The following NUP155 variants were observed in gnomAD, a reference collection of about 807,000 sequenced individuals.
The protein encoded by NUP155 is nucleoporin 155, also known as nuclear pore complex protein Nup155.
A neutral mutation model predicts 180.4 loss-of-function variants in NUP155; 71 were observed. That is an observed-to-expected ratio of 0.39 (90% CI 0.33 to 0.48). The LOEUF (loss-of-function observed/expected upper bound fraction) is 0.48. NUP155 is among the 20% of genes least tolerant of loss of function. The pLI is 0.91. For synonymous variants in NUP155, 582 were observed against 559.5 expected, an observed-to-expected ratio of 1.04 and a Z score of -0.57; for missense variants, 1,553 against 1,648.9, an observed-to-expected ratio of 0.94 and a Z score of 1.01.
chr5:37,298,608 T>A (rs1215449412), intron 32 of NUP155, among the ~76,000 whole-genome samples: 1 of 152,144 alleles, frequency 6.6e-6, no homozygotes, highest in African/African-American at 2.4e-5. Flanking sequence ...ACCAACAATA[T>A]AATCATAGTT....
intron 19 of NUP155, among the ~76,000 whole-genome samples, chr5:37,324,326 T>G (rs1487049860): frequency 2.0e-5 from 3 of 152,166 alleles, no homozygotes; most frequent in African/African-American, 7.2e-5. Flanking sequence ...GAAAACATCT[T>G]GATTACTTTT....
At chr5:37,313,453 A>G (rs1487516567) in intron 22 of NUP155, among the ~76,000 whole-genome samples, 1 of 147,330 alleles carries the variant, frequency 6.8e-6, no homozygotes, top group African/African-American at 2.5e-5. Flanking sequence ...AAAACATAAA[A>G]TGAAGTAGGA....
At chr5:37,296,004 G>C (rs1486184933) in intron 32 of NUP155, among the ~76,000 whole-genome samples, 3 of 138,874 alleles carry the variant, frequency 2.2e-5, no homozygotes, top group Non-Finnish European at 4.7e-5. Flanking sequence ...GAGGGAGGAG[G>C]GGGGGGTCAG....
intron 3 of NUP155, among the ~76,000 whole-genome samples, chr5:37,359,935 C>G (rs1747088256): frequency 6.6e-6 from 1 of 151,918 alleles, no homozygotes; most frequent in Non-Finnish European, 1.5e-5. Flanking sequence ...CTGGCCAACA[C>G]AATGATACCT....
At chr5:37,365,713 GAAAAAAA>G (rs869240751) in intron 1 of NUP155, among the ~76,000 whole-genome samples, 21 of 22,668 alleles carry the variant, frequency 9.3e-4, no homozygotes, top group Admixed American at 2.9e-3. Context: ...GTCTCGGGGA[GAAAAAAA>G]AAAAAAAAAA....
At chr5:37,318,674 A>C (rs1744058553) in intron 20 of NUP155, among the ~76,000 whole-genome samples, 1 of 152,236 alleles carries the variant, frequency 6.6e-6, no homozygotes, top group African/African-American at 2.4e-5. Flanking sequence ...GGTTCCAAAC[A>C]GTTCGGATAA....
At chr5:37,336,115 A>C (rs1581177284) in intron 12 of NUP155, among the ~76,000 whole-genome samples, 1 of 152,292 alleles carries the variant, frequency 6.6e-6, no homozygotes, top group East Asian at 1.9e-4. Context: ...TTTGTTAAAA[A>C]CAAAAGTCCA....
chr5:37,305,910 A>G (rs1743126118), intron 25 of NUP155, among the ~76,000 whole-genome samples: 1 of 151,706 alleles, frequency 6.6e-6, no homozygotes, highest in Admixed American at 6.6e-5. Flanking sequence ...ACAAAACAAA[A>G]CAAATAACAA....
intron 13 of NUP155, 42 bp downstream of exon 13, chr5:37,333,421 A>G: frequency 6.5e-7 from 1 of 1,538,386 alleles, no homozygotes. Flanking sequence ...AATATTATAC[A>G]TCGCTTATTT....
intron 7 of NUP155, 136 bp downstream of exon 7, chr5:37,350,024 C>T: frequency 1.4e-6 from 1 of 713,958 alleles, no homozygotes; most frequent in Non-Finnish European, 2.5e-6. Context: ...CTTTAAAAGA[C>T]CTTATGAATA....
intron 32 of NUP155, among the ~76,000 whole-genome samples, chr5:37,298,520 A>T (rs545327247): frequency 2.2e-4 from 34 of 152,356 alleles, no homozygotes; most frequent in African/African-American, 7.9e-4. Flanking sequence ...AAAAAAGAAC[A>T]GTTGAATCAA....
Position 37,305,474 on chromosome 5 carries a change from G to T in NUP155, c.2904-264C>A, listed in dbSNP as rs188591978. On this transcript the variant is annotated intron_variant, in intron 25 of 34. Coordinates refer to ENST00000231498, the MANE Select transcript of NUP155 (RefSeq NM_153485.3). ...AGGCAGGGGGACTGCCAGAGGTCAC[G>T]AATTTGAGACCAGCCTGGCCAACCT... Among the ~76,000 whole-genome samples the T allele has an allele frequency of 6.9e-3, 1,057 of 152,228 alleles. 10 individuals carry two copies. Among genetic ancestry groups the T allele is most frequent in the African/African-American group, 0.024 (993 of 41,536 alleles).
At chr5:37,300,753 C>A (rs781065631) in intron 30 of NUP155, among the ~76,000 whole-genome samples, 2 of 151,776 alleles carry the variant, frequency 1.3e-5, no homozygotes, top group Non-Finnish European at 2.9e-5. Flanking sequence ...GCCTCCTGGG[C>A]TAAATCAATC....
At chr5:37,347,527 T>G (rs1482314989) in intron 9 of NUP155, among the ~76,000 whole-genome samples, 1 of 149,268 alleles carries the variant, frequency 6.7e-6, no homozygotes, top group Non-Finnish European at 1.5e-5. Flanking sequence ...GAAAACCCCA[T>G]CTCTACTAAA....
intron 4 of NUP155, among the ~76,000 whole-genome samples, chr5:37,354,337 G>A (rs971301699): frequency 6.6e-6 from 1 of 152,042 alleles, no homozygotes; most frequent in African/African-American, 2.4e-5. Context: ...GTAGAGACAC[G>A]GTTTCACCAT....
At chr5:37,346,878 C>T (rs1746125679) in intron 9 of NUP155, among the ~76,000 whole-genome samples, 1 of 152,104 alleles carries the variant, frequency 6.6e-6, no homozygotes, top group African/African-American at 2.4e-5. Context: ...ATATTGTGTT[C>T]TGTACTTGTG....
chr5:37,335,517 T>C (rs758049512), intron 12 of NUP155, among the ~76,000 whole-genome samples: 26 of 152,148 alleles, frequency 1.7e-4, no homozygotes, highest in Admixed American at 3.9e-4. Context: ...CAGTTCGCCA[T>C]ATCTGCATTC....
In NUP155 at chr5:37,317,996, T is replaced by C; in HGVS notation, c.2297A>G (p.Lys766Arg). ...GAGAAGCAATAATTTACCATGAAAC[T>C]TCCTCTGCAGTTCCTGTTGCATTTG... ...PQQMQQELQRKFHEAQLSEKI... is the reference protein window; with the variant it reads ...PQQMQQELQRRFHEAQLSEKI... Residue 766 changes from lysine to arginine, a missense_variant, in exon 21 of 35, where the codon AAG becomes AGG. Transcript: ENST00000231498. 2 of 1,592,334 alleles carry C rather than the reference T, an allele frequency of 1.3e-6. No homozygotes were observed. The highest frequency in any genetic ancestry group is 1.7e-6 in the Non-Finnish European group (2 of 1,160,064).
chr5:37,302,250 T>G (rs1742904549), intron 29 of NUP155, among the ~76,000 whole-genome samples: 1 of 152,218 alleles, frequency 6.6e-6, no homozygotes, highest in Middle Eastern at 3.2e-3. Context: ...TATTATTTTT[T>G]GAGACAGAGT....
Sources: gnomAD v4.1 joint callset for allele counts (sites outside exome capture counted in the v4.1 genomes callset) on GRCh38, gnomAD v4.1.1 for gene constraint, MANE v1.5 for transcripts, NCBI Gene and HGNC (gene_info 2026-07-23, HGNC 2026-07-21) for gene names.